Variants in NRG1 observed in about 807,000 individuals in gnomAD.
NRG1 encodes pro-neuregulin-1, membrane-bound isoform.
In NRG1, 18 loss-of-function variants were observed where a neutral mutation model predicts 63.8. The ratio of observed to expected loss-of-function variants is 0.28; its 90% CI spans 0.19 to 0.42. NRG1 has a LOEUF of 0.42. Among genes scored for constraint, NRG1 ranks in the 10% least tolerant of loss-of-function variants. The pLI, the probability that NRG1 is intolerant of heterozygous loss-of-function variation, is 1.00. For missense variants in NRG1, 762 were observed against 814.7 expected (o/e 0.94, Z 0.79); for synonymous variants, 302 against 301.3 (o/e 1.00, Z -0.02).
At chr8:31,897,972 G>T (rs1001381989) in intron 1 of NRG1, among the ~76,000 whole-genome samples, 1 of 142,226 alleles carries the variant, frequency 7.0e-6, no homozygotes. Context: ...AGCCGAGATC[G>T]CACCATTGCA....
chr8:32,741,434 AAG>A (rs1205134040), intron 6 of NRG1, among the ~76,000 whole-genome samples: 1 of 152,186 alleles, frequency 6.6e-6, no homozygotes, highest in Non-Finnish European at 1.5e-5. Flanking sequence ...CATTAAAAAC[AAG>A]AGTTTATTTG....
intron 1 of NRG1, among the ~76,000 whole-genome samples, chr8:32,343,795 G>A (rs1804385452): frequency 6.6e-6 from 1 of 152,206 alleles, no homozygotes; most frequent in Non-Finnish European, 1.5e-5. Flanking sequence ...AGAAGACATT[G>A]TTTGTTGAAA....
At chr8:32,599,557 T>C (rs1036816416) in intron 2 of NRG1, among the ~76,000 whole-genome samples, 1 of 152,220 alleles carries the variant, frequency 6.6e-6, no homozygotes, top group South Asian at 2.1e-4. Flanking sequence ...TGAATTCCCA[T>C]TGAGCCTTTG....
chr8:31,676,129 C>T (rs762306235), intron 1 of NRG1, among the ~76,000 whole-genome samples: 4 of 152,024 alleles, frequency 2.6e-5, no homozygotes, highest in Non-Finnish European at 5.9e-5. Flanking sequence ...GAAAGGAATT[C>T]CAGGCTTTGG....
chr8:31,976,439 C>T (rs1808190288), intron 1 of NRG1, among the ~76,000 whole-genome samples: 1 of 152,134 alleles, frequency 6.6e-6, no homozygotes, highest in Non-Finnish European at 1.5e-5. Context: ...CATGGACCCT[C>T]AGCCCATGAC....
chr8:32,453,069 G>A (rs1821167676), intron 1 of NRG1, among the ~76,000 whole-genome samples: 1 of 152,170 alleles, frequency 6.6e-6, no homozygotes, highest in African/African-American at 2.4e-5. Flanking sequence ...ATTTGTGTAT[G>A]TACTGACTTC....
At chr8:32,620,596 G>A (rs567845108) in intron 5 of NRG1, among the ~76,000 whole-genome samples, 4 of 151,976 alleles carry the variant, frequency 2.6e-5, no homozygotes, top group South Asian at 4.2e-4. Flanking sequence ...GCCAAAGAGG[G>A]AGGATAGCTT....
chr8:32,764,452 A>G, exon 12 of NRG1: 1 of 1,392,654 alleles, frequency 7.2e-7, no homozygotes, highest in Non-Finnish European at 9.5e-7. Context: ...TTTATATAAT[A>G]AAGTATTCCA....
At chr8:32,241,038 T>C (rs1848051984) in intron 1 of NRG1, among the ~76,000 whole-genome samples, 1 of 152,154 alleles carries the variant, frequency 6.6e-6, no homozygotes, top group South Asian at 2.1e-4. Flanking sequence ...AGCGATTATG[T>C]GAATCTGTGG....
chr8:32,324,323 A>G (rs938381505), intron 1 of NRG1, among the ~76,000 whole-genome samples: 11 of 152,070 alleles, frequency 7.2e-5, no homozygotes, highest in Non-Finnish European at 8.8e-5. Flanking sequence ...GCAGGAGGAG[A>G]GGTACTGATT....
chr8:32,329,689 A>G (rs935484179), intron 1 of NRG1, among the ~76,000 whole-genome samples: 2 of 151,814 alleles, frequency 1.3e-5, no homozygotes, highest in Admixed American at 6.6e-5. Context: ...TTCTTCTATC[A>G]CTCTTTCAAC....
intron 1 of NRG1, among the ~76,000 whole-genome samples, chr8:32,206,123 T>G (rs2132335856): frequency 6.6e-6 from 1 of 152,232 alleles, no homozygotes; most frequent in South Asian, 2.1e-4. Context: ...TTTAAAAATC[T>G]AATGCAAAAA....
intron 1 of NRG1, among the ~76,000 whole-genome samples, chr8:32,416,904 T>C (rs1587510064): frequency 6.6e-6 from 1 of 152,164 alleles, no homozygotes; most frequent in Non-Finnish European, 1.5e-5. Flanking sequence ...CAGGCTGGTC[T>C]TGAACTCCTG....
In NRG1 at chr8:32,101,103, A is replaced by T. The variant is rs141990598; in HGVS notation, c.37+461672A>T. Among the ~76,000 whole-genome samples, 351 of 152,336 alleles carry T rather than the reference A, an allele frequency of 2.3e-3. 4 individuals are homozygous for T. Among genetic ancestry groups the T allele is most frequent in the Non-Finnish European group, 4.0e-3 (269 of 68,030 alleles). The stretch of plus-strand genomic sequence containing the variant: ...AATTATACCCCAAATAGAATATGTA[A>T]CTACATGTAACCAACCTATTTTGGT... On this transcript the variant is annotated intron_variant, in intron 1 of 10. Transcript: ENST00000519301.
chr8:31,696,942 C>G (rs1810128193), intron 1 of NRG1, among the ~76,000 whole-genome samples: 1 of 152,144 alleles, frequency 6.6e-6, no homozygotes, highest in South Asian at 2.1e-4. Context: ...TCACAAAACA[C>G]AAATAATAGT....
At chr8:32,064,807 T>C (rs1824477714) in intron 1 of NRG1, among the ~76,000 whole-genome samples, 1 of 151,994 alleles carries the variant, frequency 6.6e-6, no homozygotes, top group African/African-American at 2.4e-5. Context: ...AGTGAAAAAA[T>C]AAACATTAGT....
At chr8:31,952,060 T>C (rs1370764024) in intron 1 of NRG1, among the ~76,000 whole-genome samples, 1 of 152,210 alleles carries the variant, frequency 6.6e-6, no homozygotes, top group African/African-American at 2.4e-5. Context: ...TCTAAGTTGA[T>C]ATTGCGGTCT....
chr8:32,478,463 T>C (rs1824821058), intron 1 of NRG1, among the ~76,000 whole-genome samples: 1 of 152,242 alleles, frequency 6.6e-6, no homozygotes, highest in Non-Finnish European at 1.5e-5. Context: ...ATGTCATGAC[T>C]GGTTTGTTTT....
At chr8:32,464,449 A>C (rs1822803200) in intron 1 of NRG1, among the ~76,000 whole-genome samples, 1 of 152,068 alleles carries the variant, frequency 6.6e-6, no homozygotes, top group African/African-American at 2.4e-5. Context: ...ACTCTAATCT[A>C]CTGATGACAC....
Sources: gnomAD v4.1 joint callset for allele counts (sites outside exome capture counted in the v4.1 genomes callset) on GRCh38, gnomAD v4.1.1 for gene constraint, MANE v1.5 for transcripts, NCBI Gene and HGNC (gene_info 2026-07-23, HGNC 2026-07-21) for gene names.